SOS2: variants seen among roughly 807,000 people sequenced by gnomAD.
SOS2 encodes SOS Ras/Rho guanine nucleotide exchange factor 2.
Under a neutral mutation model 148.2 loss-of-function variants are expected in SOS2, and 65 were observed. The observed-to-expected ratio is 0.44, with a 90% CI of 0.36 to 0.54. SOS2 has a LOEUF of 0.54. Ranked by LOEUF, SOS2 falls within the 20% of genes least tolerant of loss-of-function variation. The pLI is 0.00. For synonymous variants in SOS2, 539 were observed against 537.1 expected (o/e 1.00, Z -0.05); for missense variants, 1,341 against 1,590.2 (o/e 0.84, Z 2.67).
chr14:50,178,900 A>T (rs1052003071), intron 7 of SOS2, among the ~76,000 whole-genome samples: 2 of 151,548 alleles, frequency 1.3e-5, no homozygotes, highest in African/African-American at 4.9e-5. Context: ...CACCCAGCTA[A>T]TTTTTGCATT....
intron 8 of SOS2, among the ~76,000 whole-genome samples, chr14:50,173,567 G>A (rs1327521379): frequency 2.0e-5 from 3 of 152,112 alleles, no homozygotes; most frequent in East Asian, 1.9e-4. Context: ...GACTACAGGC[G>A]CCTGCCATCA....
chr14:50,191,469 TA>T (rs1287235513), intron 4 of SOS2, among the ~76,000 whole-genome samples: 1 of 152,080 alleles, frequency 6.6e-6, no homozygotes, highest in Non-Finnish European at 1.5e-5. Context: ...ATCCTATCTC[TA>T]AATAAGAAAA....
chr14:50,149,032 G>A (rs528256499), intron 14 of SOS2, among the ~76,000 whole-genome samples: 3 of 152,112 alleles, frequency 2.0e-5, no homozygotes, highest in Non-Finnish European at 2.9e-5. Context: ...GGACTACAGG[G>A]GCACTACAGG....
intron 18 of SOS2, among the ~76,000 whole-genome samples, chr14:50,135,946 A>G (rs1884065141): frequency 6.6e-6 from 1 of 151,898 alleles, no homozygotes. Context: ...AAATTACTGG[A>G]TTTAGCTTTA....
intron 5 of SOS2, among the ~76,000 whole-genome samples, chr14:50,182,998 T>C (rs1885791758): frequency 6.6e-6 from 1 of 152,236 alleles, no homozygotes; most frequent in Non-Finnish European, 1.5e-5. Context: ...TTATCACTTC[T>C]GAACAATTCA....
chr14:50,179,278 A>T (rs1208133853), intron 7 of SOS2, among the ~76,000 whole-genome samples: 2 of 152,076 alleles, frequency 1.3e-5, no homozygotes, highest in Non-Finnish European at 2.9e-5. Flanking sequence ...CTAGTTAATT[A>T]TTCTACTAGA....
intron 4 of SOS2, among the ~76,000 whole-genome samples, chr14:50,197,234 T>C (rs1886338785): frequency 6.6e-6 from 1 of 152,166 alleles, no homozygotes; most frequent in Non-Finnish European, 1.5e-5. Flanking sequence ...AATTTGAGTG[T>C]GATAAAGAAT....
At chr14:50,180,966 A>G (rs1885715723) in intron 6 of SOS2, among the ~76,000 whole-genome samples, 1 of 152,234 alleles carries the variant, frequency 6.6e-6, no homozygotes, top group South Asian at 2.1e-4. Flanking sequence ...CAAATTTTGA[A>G]AAAAAGAATT....
chr14:50,137,702 A>G (rs184233497), intron 18 of SOS2, among the ~76,000 whole-genome samples: 5 of 152,176 alleles, frequency 3.3e-5, no homozygotes, highest in East Asian at 1.9e-4. Flanking sequence ...ATAGGTGTAT[A>G]TATTTGTAGG....
chr14:50,123,191 T>C (rs2139484052), intron 21 of SOS2, among the ~76,000 whole-genome samples: 1 of 152,192 alleles, frequency 6.6e-6, no homozygotes, highest in East Asian at 1.9e-4. Flanking sequence ...AAAAGTATTA[T>C]AAACAGCAGG....
rs188716547 is a variant in SOS2, at chr14:50,221,929, G to A, written c.87+9268C>T. Among the ~76,000 whole-genome samples, 37 of 152,050 alleles carry A rather than the reference G, an allele frequency of 2.4e-4. No individual in the cohort carries two copies. The East Asian group carries it at 6.6e-3, about 27-fold the overall frequency. ...TTAAATTCAATATGTAGACTTTTTT[G>A]TTGTTGTAAGGAGTATAAATAAAAA... On this transcript the variant is annotated intron_variant, in intron 1 of 22. Transcript: ENST00000216373.
At chr14:50,155,864 T>C (rs1884796477) in intron 12 of SOS2, 2 of 152,294 alleles carry the variant, frequency 1.3e-5, no homozygotes, top group South Asian at 4.1e-4. Flanking sequence ...TTAATGTGAT[T>C]GTAGATAAGT....
At chr14:50,201,572 T>A (rs1886492603) in intron 2 of SOS2, among the ~76,000 whole-genome samples, 1 of 147,812 alleles carries the variant, frequency 6.8e-6, no homozygotes, top group African/African-American at 2.5e-5. Flanking sequence ...ACTATCAAAA[T>A]TTTTCCACAT....
At chr14:50,161,433 G>C in intron 9 of SOS2, 49 bp downstream of exon 9, 1 of 1,510,316 alleles carries the variant, frequency 6.6e-7, no homozygotes, top group Non-Finnish European at 9.0e-7. Flanking sequence ...AGGCATCAGA[G>C]ACAGCGAAGT....
chr14:50,172,417 TCC>T (rs1454186222), intron 8 of SOS2, among the ~76,000 whole-genome samples: 20 of 126,360 alleles, frequency 1.6e-4, no homozygotes, highest in Non-Finnish European at 2.5e-4. Flanking sequence ...CTTTATTCAT[TCC>T]TTTTTTTTTT....
chr14:50,156,495 C>G (rs1183209264), intron 12 of SOS2: 2 of 152,240 alleles, frequency 1.3e-5, no homozygotes, highest in Admixed American at 6.5e-5. Context: ...CAATCAAACA[C>G]ATTTTTAGAA....
intron 17 of SOS2, among the ~76,000 whole-genome samples, chr14:50,139,268 A>T (rs1480109116): frequency 6.8e-6 from 1 of 146,574 alleles, no homozygotes; most frequent in African/African-American, 2.5e-5. Context: ...ATTACTTCTC[A>T]TTCATGAACA....
intron 21 of SOS2, among the ~76,000 whole-genome samples, chr14:50,126,033 G>A (rs562181854): frequency 2.2e-4 from 34 of 152,256 alleles, no homozygotes; most frequent in African/African-American, 7.9e-4. Flanking sequence ...TCACTCTACA[G>A]TGAAACCCAC....
chr14:50,143,497 G>C (rs1171634337), intron 16 of SOS2, among the ~76,000 whole-genome samples: 1 of 151,868 alleles, frequency 6.6e-6, no homozygotes, highest in African/African-American at 2.4e-5. Context: ...GAGTGCAGTG[G>C]GGCAATCTTG....
Sources: gnomAD v4.1 joint callset for allele counts (sites outside exome capture counted in the v4.1 genomes callset) on GRCh38, gnomAD v4.1.1 for gene constraint, MANE v1.5 for transcripts, NCBI Gene and HGNC (gene_info 2026-07-23, HGNC 2026-07-21) for gene names.